COL6A6: variants seen among roughly 807,000 people sequenced by gnomAD.
COL6A6 encodes the protein collagen type VI alpha 6 chain, also known as collagen alpha-6(VI) chain.
In COL6A6, 183 loss-of-function variants were observed where a neutral mutation model predicts 208.6. That is an observed-to-expected ratio of 0.88 (90% CI 0.78 to 0.99). The LOEUF is 0.99. Among genes scored for constraint, COL6A6 ranks in the 50% least tolerant of loss-of-function variants. The pLI is 0.00. For missense variants in COL6A6, 2,816 were observed against 2,815.2 expected (o/e 1.00, Z -0.01); for synonymous variants, 973 against 1,011.8 (o/e 0.96, Z 0.73).
At position 130,545,451 on chromosome 3, in the gene COL6A6, CAT is replaced by C. The variant is rs1491415257; in HGVS notation, c.-31-14882_-31-14881del. Among the ~76,000 whole-genome samples the C allele has an allele frequency of 7.6e-4, 57 of 74,930 alleles. No individual in the cohort carries two copies. The Middle Eastern group carries it at 0.028, about 37-fold the overall frequency. The allele number at this position is 74,930 out of a possible 152,430, so 49.2% of individuals were successfully genotyped here. A position where few individuals can be genotyped will look rare whatever the true frequency, so the allele number is the denominator to read the frequency against. On this transcript the variant is annotated intron_variant, in intron 1 of 36. Transcript: ENST00000358511. ...TTTCCACCTCCTGGCTGCTTTCAGGCATTTTTTTTTTTTTTTTTTTAGATGGG... is the reference window on the plus strand; with the variant it reads ...TTTCCACCTCCTGGCTGCTTTCAGGCTTTTTTTTTTTTTTTTTTAGATGGG...
chr3:130,647,548 G>A lies in COL6A6; in HGVS notation c.5240-1521G>A, dbSNP rs146114636. ...TAATACATGATTTCCTGTCTCCATC[G>A]AGATGAACAGTTTGATTTGGGTTTG... is the stretch of plus-strand genomic sequence containing the variant. On this transcript the variant is annotated intron_variant, in intron 32 of 36. Transcript: ENST00000358511. 4.2e-3 allele frequency among the ~76,000 whole-genome samples: 635 copies of A among 152,280 alleles called. 4 individuals carry two copies. Among genetic ancestry groups the A allele is most frequent in the Non-Finnish European group, 4.2e-3 (287 of 68,032 alleles).
At chr3:130,555,753 T>G (rs1577690077) in intron 1 of COL6A6, among the ~76,000 whole-genome samples, 1 of 150,850 alleles carries the variant, frequency 6.6e-6, no homozygotes, top group South Asian at 2.1e-4. Flanking sequence ...TGTTTTTTGG[T>G]TTTTTTTGTG....
intron 36 of COL6A6, 37 bp downstream of exon 36, chr3:130,665,133 GC>G (rs746032816): frequency 8.7e-6 from 12 of 1,376,364 alleles, no homozygotes; most frequent in Admixed American, 4.1e-5. Flanking sequence ...AAATGAGAAT[GC>G]CCCCTGCCTT....
intron 11 of COL6A6, among the ~76,000 whole-genome samples, chr3:130,587,947 T>C (rs1465366325): frequency 2.0e-5 from 3 of 152,206 alleles, no homozygotes; most frequent in Non-Finnish European, 4.4e-5. Context: ...AACAAACCTC[T>C]CAGTTTTTGT....
chr3:130,604,487 T>G (rs2108167787), intron 20 of COL6A6, among the ~76,000 whole-genome samples: 1 of 140,228 alleles, frequency 7.1e-6, no homozygotes, highest in East Asian at 2.1e-4. Context: ...AGAGCGAGAC[T>G]CCGTCTCAAA....
In COL6A6 at chr3:130,570,930, A is replaced by G. The variant is rs2063147480; in HGVS notation, c.2514A>G (p.Lys838=). Residue 838 remains lysine, a synonymous_variant, in exon 7 of 37, where the codon AAA becomes AAG. Coordinates refer to ENST00000358511, the MANE Select transcript of COL6A6 (RefSeq NM_001102608.3). ...MKDFMIGLVK[K]ADVGKNQVRF... The stretch of plus-strand genomic sequence containing the variant: ...ATTTTATGATTGGCTTAGTGAAAAA[A>G]GCTGATGTGGGCAAGAATCAGGTCC... 1.2e-6 allele frequency: 2 copies of G among 1,614,022 alleles called. No individual in the cohort carries two copies. Among genetic ancestry groups the G allele is most frequent in the Admixed American group, 1.7e-5 (1 of 60,038 alleles).
intron 1 of COL6A6, among the ~76,000 whole-genome samples, chr3:130,537,127 A>C (rs2062244319): frequency 6.6e-6 from 1 of 152,216 alleles, no homozygotes; most frequent in African/African-American, 2.4e-5. Context: ...ACAGTTAATT[A>C]TTTTTTAGTG....
At chr3:130,583,938 G>A (rs1399044108) in intron 10 of COL6A6, among the ~76,000 whole-genome samples, 3 of 152,134 alleles carry the variant, frequency 2.0e-5, no homozygotes, top group Admixed American at 2.0e-4. Flanking sequence ...TATGTGTAAA[G>A]TATGCAATCA....
At chr3:130,620,519 C>T (rs1174581639) in intron 23 of COL6A6, among the ~76,000 whole-genome samples, 1 of 152,002 alleles carries the variant, frequency 6.6e-6, no homozygotes, top group Admixed American at 6.6e-5. Context: ...GAGTTAGCTC[C>T]ATGTAGTGGT....
At chr3:130,529,814 A>G (rs7632469) in intron 1 of COL6A6, among the ~76,000 whole-genome samples, 10,176 of 152,238 alleles carry the variant, frequency 0.067, 1,174 homozygotes, top group African/African-American at 0.23. Context: ...CATGAGGGAA[A>G]GGACCATGAC....
chr3:130,531,045 C>CACACACACAG (rs2062075899), intron 1 of COL6A6, among the ~76,000 whole-genome samples: 1 of 20,650 alleles, frequency 4.8e-5, no homozygotes, highest in African/African-American at 7.3e-5. Context: ...CACAGACACA[C>CACACACACAG]ACACACACAC....
chr3:130,575,383 A>T (rs771352159), intron 8 of COL6A6, among the ~76,000 whole-genome samples: 28 of 152,266 alleles, frequency 1.8e-4, no homozygotes, highest in Non-Finnish European at 3.8e-4. Flanking sequence ...AGATATAATT[A>T]TAAAGTGCCT....
At chr3:130,605,596 G>C (rs1195723136) in intron 20 of COL6A6, among the ~76,000 whole-genome samples, 2 of 152,092 alleles carry the variant, frequency 1.3e-5, no homozygotes, top group Non-Finnish European at 2.9e-5. Flanking sequence ...AGAAGATTTA[G>C]GGTTTCATCT....
At position 130,563,213 on chromosome 3, in the gene COL6A6, G is replaced by A; in HGVS notation, c.210G>A (p.Gln70=). 2.5e-6 allele frequency: 4 copies of A among 1,614,008 alleles called. No homozygotes were observed. The highest frequency in any genetic ancestry group is 3.4e-6 in the Non-Finnish European group (4 of 1,179,890). Residue 70 remains glutamine (Q), a synonymous_variant, in exon 3 of 37, where the codon CAG becomes CAA. Coordinates refer to ENST00000358511, the MANE Select transcript of COL6A6 (RefSeq NM_001102608.3). ...ACAAATACCGTGTGGCCCTGGCCCA[G>A]TACAGTGATAAACTTCACAGTGAAT... ...EADKYRVALA[Q]YSDKLHSEFH... is the part of the protein sequence containing the mutation.
intron 8 of COL6A6, 45 bp downstream of exon 8, chr3:130,574,570 C>T (rs1404072710): frequency 2.7e-6 from 4 of 1,499,494 alleles, no homozygotes; most frequent in Non-Finnish European, 3.7e-6. Context: ...ACACCATCTT[C>T]TCTGGCATTT....
At position 130,581,989 on chromosome 3, in the gene COL6A6, G is replaced by C. The variant is rs1188634472; in HGVS notation, c.3892-1G>C. 6.2e-7 allele frequency: 1 copy of C among 1,607,582 alleles called. No individual in the cohort carries two copies. The highest frequency in any genetic ancestry group is 1.3e-5 in the African/African-American group (1 of 74,486). The stretch of plus-strand genomic sequence containing the variant: ...TTTACTTTTTTTGAATACTTTCTTA[G>C]GTGGTCCTTTTATTTTCAGATGGAT... On this transcript the variant is annotated splice_acceptor_variant, in intron 9 of 36. Transcript: ENST00000358511. LOFTEE classifies it high-confidence loss of function.
Position 130,661,724 on chromosome 3 carries a change from C to G in COL6A6, c.5918C>G (p.Ser1973Cys). ...GATGCTGCTTTCCTTCTGGATGCCT[C>G]CCGGAACATGGGAAGTGCTGAATTT... ...YMDAAFLLDA[S>C]RNMGSAEFED... is the part of the protein sequence containing the mutation. The change falls in exon 35 of 37, where the codon TCC becomes TGC. Residue 1973 changes from serine (S) to cysteine (C), a missense_variant. Coordinates refer to ENST00000358511, the MANE Select transcript of COL6A6 (RefSeq NM_001102608.3). 6.2e-7 allele frequency: 1 copy of G among 1,613,910 alleles called. No homozygotes were observed. The highest frequency in any genetic ancestry group is 2.2e-5 in the East Asian group (1 of 44,874).
At chr3:130,594,542 A>G in intron 18 of COL6A6, 199 bp downstream of exon 18, 2 of 423,256 alleles carry the variant, frequency 4.7e-6, no homozygotes, top group Non-Finnish European at 8.5e-6. Flanking sequence ...AAGCCCTTAC[A>G]TGTCTTTTGC....
chr3:130,519,578 A>G (rs1022363078), intron 1 of COL6A6, among the ~76,000 whole-genome samples: 5 of 152,226 alleles, frequency 3.3e-5, no homozygotes, highest in Admixed American at 1.3e-4. Flanking sequence ...TATTTAAAGT[A>G]TAAGGTAGAT....
Sources: gnomAD v4.1 joint callset for allele counts (sites outside exome capture counted in the v4.1 genomes callset) on GRCh38, gnomAD v4.1.1 for gene constraint, MANE v1.5 for transcripts, NCBI Gene and HGNC (gene_info 2026-07-23, HGNC 2026-07-21) for gene names.